FILIP1L: variants seen among roughly 807,000 people sequenced by gnomAD.
FILIP1L encodes the protein filamin A-interacting protein 1-like.
In FILIP1L, 55 loss-of-function variants were observed where a neutral mutation model predicts 96.6. That is an observed-to-expected ratio of 0.57 (90% CI 0.46 to 0.71). The LOEUF is 0.71. Among genes scored for constraint, FILIP1L ranks in the 30% least tolerant of loss-of-function variants. The pLI is 0.00. For synonymous variants in FILIP1L, 467 were observed against 473.9 expected, an observed-to-expected ratio of 0.99 and a Z score of 0.19; for missense variants, 1,304 against 1,321.2, an observed-to-expected ratio of 0.99 and a Z score of 0.20.
intron 4 of FILIP1L, among the ~76,000 whole-genome samples, chr3:99,867,227 C>G (rs145245589): frequency 6.6e-6 from 1 of 152,162 alleles, no homozygotes; most frequent in Admixed American, 6.5e-5. Context: ...CTTATACTGT[C>G]CCTGAGCAGG....
intron 1 of FILIP1L, among the ~76,000 whole-genome samples, chr3:100,064,331 A>G (rs566103264): frequency 1.3e-5 from 2 of 152,054 alleles, no homozygotes; most frequent in South Asian, 4.2e-4. Flanking sequence ...CTAAAGGACC[A>G]ATTTGCCACC....
intron 1 of FILIP1L, among the ~76,000 whole-genome samples, chr3:100,045,065 A>C (rs2065257833): frequency 6.6e-6 from 1 of 152,270 alleles, no homozygotes; most frequent in Admixed American, 6.5e-5. Flanking sequence ...GATATATCCA[A>C]GGGGAGATGG....
At chr3:99,966,648 A>G (rs753728899) in intron 1 of FILIP1L, among the ~76,000 whole-genome samples, 10 of 152,220 alleles carry the variant, frequency 6.6e-5, no homozygotes, top group Non-Finnish European at 1.3e-4. Context: ...CCACATTTAC[A>G]TGGCATTTTC....
Position 99,848,708 on chromosome 3 carries a change from A to G in FILIP1L, c.2968T>C (p.Cys990Arg), listed in dbSNP as rs1017289019. 2.5e-6 allele frequency: 4 copies of G among 1,614,022 alleles called. No individual in the cohort carries two copies. ...TFARAQTPES[C>R]GSLTPERTMS... ...GTCCTTTCTGGAGTTAGAGAACCAC[A>G]AGACTCTGGGGTCTGTGCTCTGGCA... The change falls in exon 5 of 6, where the codon TGT (cysteine) becomes CGT (arginine). Residue 990 changes from cysteine to arginine, a missense_variant. Coordinates refer to ENST00000477258, the MANE Select transcript of FILIP1L (RefSeq NM_001387850.1).
chr3:99,966,060 G>T (rs1708642247), intron 1 of FILIP1L, among the ~76,000 whole-genome samples: 1 of 152,166 alleles, frequency 6.6e-6, no homozygotes, highest in Non-Finnish European at 1.5e-5. Flanking sequence ...GTTAATAGGG[G>T]TACAGCACAA....
chr3:99,936,469 G>A (rs1445856795), intron 1 of FILIP1L, among the ~76,000 whole-genome samples: 1 of 131,236 alleles, frequency 7.6e-6, no homozygotes, highest in African/African-American at 3.0e-5. Context: ...TCCACCTCCT[G>A]GGTTCAAGCA....
At chr3:99,981,247 T>G (rs536009994) in intron 1 of FILIP1L, among the ~76,000 whole-genome samples, 1 of 152,262 alleles carries the variant, frequency 6.6e-6, no homozygotes, top group African/African-American at 2.4e-5. Flanking sequence ...ACTACCCCAA[T>G]GCTAAACTTG....
intron 1 of FILIP1L, among the ~76,000 whole-genome samples, chr3:100,004,070 G>A (rs1259920322): frequency 2.0e-5 from 3 of 152,134 alleles, no homozygotes; most frequent in Admixed American, 6.5e-5. Context: ...ACCAAAACTG[G>A]AGGCAAAATC....
intron 1 of FILIP1L, among the ~76,000 whole-genome samples, chr3:100,065,865 G>A (rs2065654850): frequency 1.3e-5 from 2 of 152,286 alleles, no homozygotes; most frequent in South Asian, 2.1e-4. Context: ...TGTGTTCTAT[G>A]CTGTAAGGTA....
chr3:99,947,582 G>A (rs567805918), intron 1 of FILIP1L, among the ~76,000 whole-genome samples: 5 of 152,220 alleles, frequency 3.3e-5, no homozygotes, highest in South Asian at 4.2e-4. Context: ...AACTGTCCTC[G>A]GCTGAGAAAA....
At chr3:99,974,472 G>C (rs1161308353) in intron 1 of FILIP1L, among the ~76,000 whole-genome samples, 1 of 152,178 alleles carries the variant, frequency 6.6e-6, no homozygotes, top group Non-Finnish European at 1.5e-5. Flanking sequence ...CACTTTGGGA[G>C]GCCGAGGCAG....
intron 1 of FILIP1L, among the ~76,000 whole-genome samples, chr3:100,049,992 T>G (rs1326392216): frequency 6.6e-6 from 1 of 152,172 alleles, no homozygotes; most frequent in Non-Finnish European, 1.5e-5. Flanking sequence ...GACCATATAC[T>G]GTGTGGTTCT....
chr3:100,006,571 GT>G (rs1400567891), intron 1 of FILIP1L, among the ~76,000 whole-genome samples: 1 of 150,884 alleles, frequency 6.6e-6, no homozygotes, highest in African/African-American at 2.4e-5. Context: ...AGAAGTTGTA[GT>G]TTTACCCTTT....
chr3:100,008,468 T>G (rs1476425330), intron 1 of FILIP1L, among the ~76,000 whole-genome samples: 3 of 152,208 alleles, frequency 2.0e-5, no homozygotes, highest in Non-Finnish European at 2.9e-5. Context: ...ATTGGTATCC[T>G]GCAATTCTCA....
intron 4 of FILIP1L, chr3:99,875,923 T>G: frequency 2.5e-6 from 1 of 399,560 alleles, no homozygotes; most frequent in Non-Finnish European, 3.4e-6. Flanking sequence ...TGGAAACGGT[T>G]TTGAACCTAG....
rs141348123 is a variant in FILIP1L, at chr3:99,963,152, G to A, written c.-10-32122C>T. On this transcript the variant is annotated intron_variant, in intron 1 of 5. Transcript: ENST00000477258. Reference sequence around the variant, plus strand: ...GATAACAGTGCACCAGAGAAAGTTCGAAATGCTCTTACTCTTAGGGAAACC... The same window carrying A: ...GATAACAGTGCACCAGAGAAAGTTCAAAATGCTCTTACTCTTAGGGAAACC... 1.3e-3 allele frequency among the ~76,000 whole-genome samples: 195 copies of A among 152,296 alleles called. 2 individuals are homozygous for A. In the South Asian group the frequency reaches 0.024, roughly 19 times the overall value.
chr3:99,924,030 T>C (rs1707208306), intron 4 of FILIP1L, among the ~76,000 whole-genome samples, 200 bp downstream of exon 4: 1 of 152,212 alleles, frequency 6.6e-6, no homozygotes, highest in African/African-American at 2.4e-5. Flanking sequence ...ACATTTATGG[T>C]TCCACAGTCC....
chr3:99,986,040 CAAG>C (rs1429589277), intron 1 of FILIP1L, among the ~76,000 whole-genome samples: 1 of 152,092 alleles, frequency 6.6e-6, no homozygotes, highest in Admixed American at 6.5e-5. Context: ...AAGTCAACAG[CAAG>C]AAGTTTATTC....
intron 1 of FILIP1L, chr3:100,041,421 A>G (rs2065203389): frequency 6.6e-6 from 1 of 152,116 alleles, no homozygotes; most frequent in African/African-American, 2.4e-5. Flanking sequence ...GTTCCTTTCC[A>G]CACTGAGCTT....
Sources: gnomAD v4.1 joint callset for allele counts (sites outside exome capture counted in the v4.1 genomes callset) on GRCh38, gnomAD v4.1.1 for gene constraint, MANE v1.5 for transcripts, NCBI Gene and HGNC (gene_info 2026-07-23, HGNC 2026-07-21) for gene names.